The following ARMC8 variants were observed in gnomAD, a reference collection of about 807,000 sequenced individuals.
The protein encoded by ARMC8 is armadillo repeat-containing protein 8.
In ARMC8, 20 loss-of-function variants were observed where a neutral mutation model predicts 99.3. The observed-to-expected ratio is 0.20, with a 90% CI of 0.14 to 0.29. The LOEUF (loss-of-function observed/expected upper bound fraction) is 0.29. ARMC8 is among the 10% of genes least tolerant of loss of function. The pLI is 1.00. For synonymous variants in ARMC8, 263 were observed against 278.3 expected (o/e 0.95, Z 0.55); for missense variants, 569 against 809.5 (o/e 0.70, Z 3.60).
At chr3:138,260,995 A>C (rs1344180069) in intron 12 of ARMC8, among the ~76,000 whole-genome samples, 2 of 152,204 alleles carry the variant, frequency 1.3e-5, no homozygotes, top group Non-Finnish European at 2.9e-5. Context: ...AGGCATAAGC[A>C]TCTAGTCCTC....
rs946808541 is a variant in ARMC8, at chr3:138,187,576, C to T, written c.22C>T (p.Pro8Ser). The T allele has an allele frequency of 2.6e-6, 4 of 1,535,738 alleles. No individual in the cohort carries two copies. The highest frequency in any genetic ancestry group is 2.6e-6 in the Non-Finnish European group (3 of 1,146,730). The part of the protein sequence containing the change: MACLLET[P>S]IRMSVLSEVT... ...CAAGATGGCGTGCTTGTTGGAGACCCCAATCCGCATGAGCGTCCTTTCGGT... is the reference window on the plus strand; with the variant it reads ...CAAGATGGCGTGCTTGTTGGAGACCTCAATCCGCATGAGCGTCCTTTCGGT... The change falls in exon 1 of 22, where the codon CCA (proline) becomes TCA (serine). Residue 8 changes from proline to serine, a missense_variant. By Grantham distance (74) the Pro-to-Ser change is moderately conservative. Around this residue, in one of 2 missense-constraint regions of ARMC8, gnomAD observed 342 missense variants for 391.6 expected, o/e 0.87. Coordinates refer to ENST00000469044, the MANE Select transcript of ARMC8 (RefSeq NM_001363941.2).
Position 138,289,097 on chromosome 3 carries a change from A to C in ARMC8, c.1871A>C (p.Asn624Thr). The change falls in exon 20 of 22, where the codon AAC becomes ACC. Residue 624 changes from asparagine (N) to threonine (T), a missense_variant. By Grantham distance (65) the Asn-to-Thr change is moderately conservative. Around this residue, in one of 2 missense-constraint regions of ARMC8, gnomAD observed 227 missense variants for 417.9 expected, o/e 0.54. Transcript: ENST00000469044. ...CTTGCAGCCATGTTTTGTATATCAA[A>C]CCTCATATGGAATGAAGAGGAAGGT... ...LQLAAMFCIS[N>T]LIWNEEEGSQ... 6.2e-7 allele frequency: 1 copy of C among 1,613,320 alleles called. No homozygotes were observed. The highest frequency in any genetic ancestry group is 8.5e-7 in the Non-Finnish European group (1 of 1,179,498).
At chr3:138,287,695 A>G (rs1456817062) in intron 19 of ARMC8, 2 of 456,598 alleles carry the variant, frequency 4.4e-6, no homozygotes, top group Non-Finnish European at 4.4e-6. Flanking sequence ...ATCACTAGCC[A>G]TAGAATTCTA....
chr3:138,264,308 AT>A, intron 14 of ARMC8, 96 bp downstream of exon 14: 1 of 837,800 alleles, frequency 1.2e-6, no homozygotes, highest in Non-Finnish European at 1.9e-6. Context: ...AGTATGTCTG[AT>A]TTTTGTGTAG....
chr3:138,257,341 A>G (rs538382946), intron 12 of ARMC8, among the ~76,000 whole-genome samples: 6 of 152,326 alleles, frequency 3.9e-5, no homozygotes, highest in African/African-American at 1.4e-4. Context: ...ACTCAAGAAT[A>G]ATACACATTA....
intron 14 of ARMC8, 123 bp from the exon 15 acceptor site, chr3:138,267,032 C>T: frequency 1.7e-6 from 1 of 594,424 alleles, no homozygotes; most frequent in Non-Finnish European, 2.8e-6. Flanking sequence ...CTTCCTATCT[C>T]TCCAATACGA....
intron 18 of ARMC8, among the ~76,000 whole-genome samples, chr3:138,275,332 C>T (rs1165281425): frequency 3.9e-5 from 6 of 151,992 alleles, no homozygotes; most frequent in South Asian, 2.1e-4. Flanking sequence ...CCGAGGTGGG[C>T]GGATCACGAG....
rs544799913 is a variant in ARMC8, at chr3:138,187,303, T to G, written c.-252T>G. On this transcript the variant is annotated 5_prime_UTR_variant, in exon 1 of 22. Coordinates refer to ENST00000469044, the MANE Select transcript of ARMC8 (RefSeq NM_001363941.2). ...TGCGCATGCGGAAACCGCTGCCCGCTTCCACCTCTAACCCAGGCTCAGAGT... is the reference window on the plus strand; with the variant it reads ...TGCGCATGCGGAAACCGCTGCCCGCGTCCACCTCTAACCCAGGCTCAGAGT... The G allele has an allele frequency of 1.8e-5, 8 of 436,052 alleles. No individual in the cohort carries two copies. Among genetic ancestry groups the G allele is most frequent in the African/African-American group, 1.4e-4 (7 of 48,996 alleles). 27.0% of individuals were successfully genotyped at this position (436,052 alleles called of 1,614,324 possible).
chr3:138,244,129 A>G (rs1166599108), intron 11 of ARMC8, among the ~76,000 whole-genome samples: 1 of 152,164 alleles, frequency 6.6e-6, no homozygotes, highest in East Asian at 1.9e-4. Flanking sequence ...TCATGCTGAT[A>G]ATTTTGATAA....
intron 2 of ARMC8, among the ~76,000 whole-genome samples, chr3:138,216,679 TTTC>T (rs974501702): frequency 6.6e-6 from 1 of 152,246 alleles, no homozygotes; most frequent in Non-Finnish European, 1.5e-5. Context: ...TATGTGTTTT[TTTC>T]TTATTTTACA....
At chr3:138,250,817 T>A (rs536533129) in intron 12 of ARMC8, among the ~76,000 whole-genome samples, 3 of 152,314 alleles carry the variant, frequency 2.0e-5, no homozygotes, top group South Asian at 4.1e-4. Context: ...TATTTGTAAA[T>A]TTAGGTCAAT....
rs2050198960 is a variant in ARMC8 at position 138,284,281 on chromosome 3, A to G, written c.1726-150A>G. ...TTGGGTGTGGTTACTGTTACTAGCA[A>G]TGATGTCAGCAGATGAGAAATCAGG... On this transcript the variant is annotated intron_variant, in intron 18 of 21. Coordinates refer to ENST00000469044, the MANE Select transcript of ARMC8 (RefSeq NM_001363941.2). 4 of 635,492 alleles carry G rather than the reference A, an allele frequency of 6.3e-6. No homozygotes were observed. The South Asian group carries it at 7.9e-5, about 13-fold the overall frequency. The allele number at this position is 635,492 out of a possible 1,614,324, so 39.4% of individuals were successfully genotyped here.
At chr3:138,213,053 G>A (rs1391182817) in intron 2 of ARMC8, among the ~76,000 whole-genome samples, 1 of 152,190 alleles carries the variant, frequency 6.6e-6, no homozygotes, top group East Asian at 1.9e-4. Context: ...AAGATTGCTG[G>A]AGCCTAGGAG....
intron 13 of ARMC8, 39 bp from the exon 14 acceptor site, chr3:138,264,092 T>G: frequency 6.4e-7 from 1 of 1,573,532 alleles, no homozygotes; most frequent in Non-Finnish European, 8.7e-7. Context: ...AGTAAAAGTT[T>G]TGATTTCTTG....
At chr3:138,208,263 C>T (rs1012166414) in intron 1 of ARMC8, among the ~76,000 whole-genome samples, 6 of 152,156 alleles carry the variant, frequency 3.9e-5, no homozygotes, top group African/African-American at 7.2e-5. Flanking sequence ...GTCAGGGGTT[C>T]AAGACCAGCC....
Position 138,241,804 on chromosome 3 carries a change from A to T in ARMC8, c.859A>T (p.Met287Leu). ...VLKTLPCLVR[M>L]CSKERLLEER... ...TCAGACATTACCTTGTTTGGTTCGA[A>T]TGTGCAGTAAGGAGAGATTACTAGA... is the stretch of plus-strand genomic sequence containing the variant. Residue 287 changes from methionine (M) to leucine (L), a missense_variant, in exon 11 of 22, where the codon ATG (methionine) becomes TTG (leucine). Around this residue, in one of 2 missense-constraint regions of ARMC8, gnomAD observed 342 missense variants for 391.6 expected, o/e 0.87. Coordinates refer to ENST00000469044, the MANE Select transcript of ARMC8 (RefSeq NM_001363941.2). The T allele has an allele frequency of 6.2e-7, 1 of 1,614,016 alleles. No individual in the cohort carries two copies. The highest frequency in any genetic ancestry group is 1.3e-5 in the African/African-American group (1 of 75,056).
intron 6 of ARMC8, among the ~76,000 whole-genome samples, chr3:138,233,642 C>G (rs531645910): frequency 1.3e-5 from 2 of 152,116 alleles, no homozygotes; most frequent in African/African-American, 4.8e-5. Flanking sequence ...ATATGATGGT[C>G]GTGCTATTCA....
At position 138,209,809 on chromosome 3, in the gene ARMC8, C is replaced by T. The variant is rs770604420; in HGVS notation, c.46-8C>T. 1.9e-6 allele frequency: 3 copies of T among 1,613,100 alleles called. No individual in the cohort carries two copies. The highest frequency in any genetic ancestry group is 2.5e-6 in the Non-Finnish European group (3 of 1,179,396). On this transcript the variant is annotated splice_polypyrimidine_tract_variant and splice_region_variant and intron_variant, in intron 1 of 21. Transcript: ENST00000469044. ...TCAGATGTCATAATTTTTCCCCCCA[C>T]TTTCTAGGAAGTAACAGCTAGCAGT... is the stretch of plus-strand genomic sequence containing the variant.
At chr3:138,268,639 T>C (rs929597813) in intron 15 of ARMC8, among the ~76,000 whole-genome samples, 1 of 152,060 alleles carries the variant, frequency 6.6e-6, no homozygotes, top group African/African-American at 2.4e-5. Context: ...CAACCAGGCA[T>C]GGCACACACA....
Sources: allele counts gnomAD v4.1 joint callset (sites outside exome capture counted in the v4.1 genomes callset), GRCh38; gene constraint gnomAD v4.1.1; regional missense constraint gnomAD v4.1.1; transcripts MANE v1.5; gene names NCBI Gene and HGNC (gene_info 2026-07-23, HGNC 2026-07-21).